The following SKA1 variants were observed in gnomAD, a reference collection of about 807,000 sequenced individuals.
The protein encoded by SKA1 is SKA complex subunit 1.
In SKA1, 20 loss-of-function variants were observed where a neutral mutation model predicts 31.8. The observed-to-expected ratio is 0.63, with a 90% CI of 0.44 to 0.91. The LOEUF (loss-of-function observed/expected upper bound fraction) is 0.91. Ranked by LOEUF, SKA1 falls within the 40% of genes least tolerant of loss-of-function variation. The pLI is 0.00. For synonymous variants in SKA1, 88 were observed against 100.5 expected (o/e 0.88, Z 0.74); for missense variants, 253 against 298.2 (o/e 0.85, Z 1.12).
At chr18:50,382,322 T>C (rs780152468) in intron 4 of SKA1, 96 bp downstream of exon 4, 1 of 679,282 alleles carries the variant, frequency 1.5e-6, no homozygotes, top group Non-Finnish European at 2.3e-6. Context: ...CTTGCAGTTT[T>C]GTCAGCGATG....
chr18:50,380,325 G>A lies in SKA1; in HGVS notation c.213+75G>A, dbSNP rs1348729812. ...TCCCTAATCATTAAGTAATTTTTAA[G>A]GATGCTTTGTTTATAATGTTTTTTG... is the stretch of plus-strand genomic sequence containing the variant. On this transcript the variant is annotated intron_variant, in intron 3 of 6. Coordinates refer to ENST00000285116, the MANE Select transcript of SKA1 (RefSeq NM_145060.4). 9 of 1,385,004 alleles carry A rather than the reference G, an allele frequency of 6.5e-6. No homozygotes were observed. In the East Asian group the frequency reaches 1.1e-4, roughly 17 times the overall value. 85.8% of individuals were successfully genotyped at this position (1,385,004 alleles called of 1,614,324 possible). A position where few individuals can be genotyped will look rare whatever the true frequency, so the allele number is the denominator to read the frequency against.
rs148243025 is a variant in SKA1, at chr18:50,381,082, C to T, written c.213+832C>T. On this transcript the variant is annotated intron_variant, in intron 3 of 6. Coordinates refer to ENST00000285116, the MANE Select transcript of SKA1 (RefSeq NM_145060.4). ...ACATTATATAAATTCAAAACAGAAA[C>T]CAATACCGGCATTTCAGTTCTAACC... Among the ~76,000 whole-genome samples, 3 of 152,320 alleles carry T rather than the reference C, an allele frequency of 2.0e-5. No homozygotes were observed. In the East Asian group the frequency reaches 5.8e-4, roughly 29 times the overall value.
chr18:50,389,273 T>TA (rs2041336272), intron 5 of SKA1, among the ~76,000 whole-genome samples: 1 of 151,582 alleles, frequency 6.6e-6, no homozygotes, highest in South Asian at 2.1e-4. Context: ...ACTTGAAAAA[T>TA]ACCTGGCTCT....
At chr18:50,377,763 T>C (rs1371140577) in intron 2 of SKA1, among the ~76,000 whole-genome samples, 1 of 152,246 alleles carries the variant, frequency 6.6e-6, no homozygotes, top group Non-Finnish European at 1.5e-5. Flanking sequence ...TTCTCAAATA[T>C]GAAATTATAA....
rs776374638 is a variant in SKA1 at position 50,391,137 on chromosome 18, C to T, written c.463C>T (p.Arg155Cys). 35 of 1,536,510 alleles carry T rather than the reference C, an allele frequency of 2.3e-5. No homozygotes were observed. Among genetic ancestry groups the T allele is most frequent in the African/African-American group, 5.6e-5 (4 of 71,228 alleles). ...FNGVPSYMKS[R>C]LTYNQINDVI... ...ACTTTTTTACAGGTACATGAAATCC[C>T]GCTTAACCTATAATCAAATTAATGA... The change falls in exon 6 of 7, where the codon CGC becomes TGC. Residue 155 changes from arginine to cysteine, a missense_variant. By Grantham distance (180) the Arg-to-Cys change is radical (BLOSUM62 -3). Coordinates refer to ENST00000285116, the MANE Select transcript of SKA1 (RefSeq NM_145060.4).
chr18:50,387,236 T>A (rs1257897457), intron 5 of SKA1, among the ~76,000 whole-genome samples: 6 of 152,264 alleles, frequency 3.9e-5, no homozygotes, highest in Admixed American at 3.9e-4. Context: ...ATTATTTTAC[T>A]TTACAATTCC....
At chr18:50,377,792 G>A (rs1052805766) in intron 2 of SKA1, among the ~76,000 whole-genome samples, 3 of 152,110 alleles carry the variant, frequency 2.0e-5, no homozygotes, top group Non-Finnish European at 4.4e-5. Context: ...AGGCCATTTC[G>A]AATTATACCT....
rs2041362490 is a variant in SKA1, at chr18:50,392,187, A to G, written c.708A>G (p.Arg236=). The G allele has an allele frequency of 3.7e-6, 6 of 1,610,154 alleles. No homozygotes were observed. Among genetic ancestry groups the G allele is most frequent in the South Asian group, 1.1e-5 (1 of 90,024 alleles). Reference sequence around the variant, plus strand: ...TTCACGTGTTACTGAATATTTTACGACACTGCCGGAGGCTATCAGAGGTCC... The same window carrying G: ...TTCACGTGTTACTGAATATTTTACGGCACTGCCGGAGGCTATCAGAGGTCC... The part of the protein sequence containing the change: ...KKFHVLLNIL[R]HCRRLSEVRG... Residue 236 remains arginine, a synonymous_variant, in exon 7 of 7, where the codon CGA becomes CGG. Coordinates refer to ENST00000285116, the MANE Select transcript of SKA1 (RefSeq NM_145060.4).
chr18:50,383,968 A>T (rs2149321030), intron 4 of SKA1, among the ~76,000 whole-genome samples: 1 of 152,262 alleles, frequency 6.6e-6, no homozygotes, highest in South Asian at 2.1e-4. Context: ...GCTGGTTGCC[A>T]TCTGTGTCTG....
intron 2 of SKA1, among the ~76,000 whole-genome samples, chr18:50,376,332 G>A (rs2149318374): frequency 6.6e-6 from 1 of 152,316 alleles, no homozygotes; most frequent in Non-Finnish European, 1.5e-5. Context: ...CACAAACCTA[G>A]ATGGTATAGC....
rs762310449 is a variant in SKA1 at position 50,392,289 on chromosome 18, A to AT, written c.*43dup. ...TGAACATACCAACAGGGTATAGAGT[A>AT]TAGAGGCTATTTCTATAATTTTCTT... On this transcript the variant is annotated 3_prime_UTR_variant, in exon 7 of 7. Transcript: ENST00000285116. 8.2e-7 allele frequency: 1 copy of AT among 1,218,932 alleles called. No individual in the cohort carries two copies. Among genetic ancestry groups the AT allele is most frequent in the East Asian group, 2.8e-5 (1 of 35,254 alleles). 75.5% of individuals were successfully genotyped at this position (1,218,932 alleles called of 1,614,324 possible).
At position 50,375,905 on chromosome 18, in the gene SKA1, A is replaced by G. The variant is rs141589338; in HGVS notation, c.75A>G (p.Ser25=). The change falls in exon 2 of 7, where the codon TCA becomes TCG. Residue 25 remains serine (S), a synonymous_variant. Transcript: ENST00000285116. ...TTGGCAATATTAAGAAAACCTTATCATTAAGAAACTGTGGTAAGTAAAACA... is the reference window on the plus strand; with the variant it reads ...TTGGCAATATTAAGAAAACCTTATCGTTAAGAAACTGTGGTAAGTAAAACA... ...EKIGNIKKTL[S]LRNCGQEPTL... 33 of 1,595,886 alleles carry G rather than the reference A, an allele frequency of 2.1e-5. No homozygotes were observed. In the Middle Eastern group the frequency reaches 5.0e-4, roughly 24 times the overall value.
chr18:50,387,407 T>G (rs998871499), intron 5 of SKA1, among the ~76,000 whole-genome samples: 2 of 152,262 alleles, frequency 1.3e-5, no homozygotes, highest in Non-Finnish European at 2.9e-5. Flanking sequence ...GTCTTGAGCC[T>G]GTTTTTAAAG....
At chr18:50,383,608 C>T (rs2041279773) in intron 4 of SKA1, among the ~76,000 whole-genome samples, 1 of 152,182 alleles carries the variant, frequency 6.6e-6, no homozygotes, top group Non-Finnish European at 1.5e-5. Context: ...TCCTGTCTTG[C>T]TCTTTCTCAG....
intron 2 of SKA1, among the ~76,000 whole-genome samples, chr18:50,378,307 T>A (rs990789198): frequency 1.3e-5 from 2 of 152,170 alleles, no homozygotes; most frequent in Non-Finnish European, 2.9e-5. Flanking sequence ...GGGGGGATAA[T>A]AATTTGTGTG....
chr18:50,384,871 T>TAAAAAAAAAAAAAAAAAAGAAAAA (rs2041292028), intron 4 of SKA1, among the ~76,000 whole-genome samples: 2 of 82,600 alleles, frequency 2.4e-5, no homozygotes, highest in Non-Finnish European at 4.2e-5. Flanking sequence ...AAAAAAAAAT[T>TAAAAAAAAAAAAAAAAAAGAAAAA]AAAAAAAAAA....
At chr18:50,376,935 A>T (rs1437382361) in intron 2 of SKA1, among the ~76,000 whole-genome samples, 3 of 151,962 alleles carry the variant, frequency 2.0e-5, no homozygotes, top group Non-Finnish European at 2.9e-5. Context: ...ATCTTGTTCC[A>T]CTAGAAGGTC....
At chr18:50,384,892 G>A (rs867301457) in intron 4 of SKA1, among the ~76,000 whole-genome samples, 1,596 of 67,182 alleles carry the variant, frequency 0.024, 3 homozygotes, top group East Asian at 0.043. Flanking sequence ...AAAAAAAAAG[G>A]AAAAAAAAAA....
intron 4 of SKA1, among the ~76,000 whole-genome samples, chr18:50,384,892 G>GAAAAAAAAAAAAAAAAAAAAA (rs796154111): frequency 1.5e-5 from 1 of 68,572 alleles, no homozygotes; most frequent in African/African-American, 7.7e-5. Context: ...AAAAAAAAAG[G>GAAAAAAAAAAAAAAAAAAAAA]AAAAAAAAAA....
Sources: allele counts gnomAD v4.1 joint callset (sites outside exome capture counted in the v4.1 genomes callset), GRCh38; gene constraint gnomAD v4.1.1; transcripts MANE v1.5; gene names NCBI Gene and HGNC (gene_info 2026-07-23, HGNC 2026-07-21).